Variants in RNF8 observed in about 807,000 individuals in gnomAD.
RNF8 encodes the protein ring finger protein 8, also known as E3 ubiquitin-protein ligase RNF8.
In RNF8, 8 loss-of-function variants were observed where a neutral mutation model predicts 59.3. The ratio of observed to expected loss-of-function variants is 0.13; its 90% CI spans 0.08 to 0.24. RNF8 has a LOEUF of 0.24. RNF8 is among the 10% of genes least tolerant of loss of function. RNF8 has a pLI of 1.00. For synonymous variants in RNF8, 162 were observed against 200.0 expected (o/e 0.81, Z 1.60); for missense variants, 406 against 572.6 (o/e 0.71, Z 2.97).
chr6:37,367,488 C>T (rs888786393), intron 2 of RNF8, among the ~76,000 whole-genome samples: 2 of 152,232 alleles, frequency 1.3e-5, no homozygotes, highest in African/African-American at 4.8e-5. Context: ...ACGGCATCCT[C>T]TGCCGCCTGG....
intron 2 of RNF8, chr6:37,361,076 A>C: frequency 2.8e-6 from 1 of 353,660 alleles, no homozygotes; most frequent in South Asian, 2.1e-5. Flanking sequence ...TCCTTTGAAT[A>C]ATGGGTTTTT....
At position 37,381,196 on chromosome 6, in the gene RNF8, A is replaced by G. The variant is rs759565807; in HGVS notation, c.1283A>G (p.Asn428Ser). 5.0e-6 allele frequency: 8 copies of G among 1,614,214 alleles called. No individual in the cohort carries two copies. The Admixed American group carries it at 5.0e-5, about 10-fold the overall frequency. The change falls in exon 7 of 8, where the codon AAT (asparagine) becomes AGT (serine). Residue 428 changes from asparagine (N) to serine (S), a missense_variant. Physicochemically the swap from Asn to Ser is conservative, Grantham distance 46. Around this residue, in one of 3 missense-constraint regions of RNF8, gnomAD observed 59 missense variants for 118.5 expected, o/e 0.50. Transcript: ENST00000373479. ...CAHSFCSYCINEWMKRKIECP... is the reference protein window; with the variant it reads ...CAHSFCSYCISEWMKRKIECP... ...CACAGTTTCTGCTCCTACTGTATCAATGAATGGATGAAGCGGAAGATAGAA... is the reference window on the plus strand; with the variant it reads ...CACAGTTTCTGCTCCTACTGTATCAGTGAATGGATGAAGCGGAAGATAGAA...
intron 7 of RNF8, among the ~76,000 whole-genome samples, chr6:37,383,453 C>T (rs535029028): frequency 2.0e-5 from 3 of 152,286 alleles, no homozygotes; most frequent in East Asian, 3.9e-4. Flanking sequence ...ATTGGCAAGC[C>T]TGTAATTGTC....
At chr6:37,371,226 G>A (rs1293168783) in intron 3 of RNF8, among the ~76,000 whole-genome samples, 3 of 152,158 alleles carry the variant, frequency 2.0e-5, no homozygotes, top group East Asian at 1.9e-4. Context: ...GAATCATGGC[G>A]TTAGTCCATG....
intron 2 of RNF8, among the ~76,000 whole-genome samples, chr6:37,362,216 T>C (rs1352423697): frequency 1.3e-5 from 2 of 152,214 alleles, no homozygotes; most frequent in African/African-American, 4.8e-5. Context: ...CTTAATTATG[T>C]GCAGTGTAGA....
At position 37,394,158 on chromosome 6, in the gene RNF8, T is replaced by TA. The variant is rs1325328108; in HGVS notation, c.*3401dup. The TA allele has an allele frequency of 6.6e-6, 1 of 152,226 alleles. No individual in the cohort carries two copies. Among genetic ancestry groups the TA allele is most frequent in the East Asian group, 1.9e-4 (1 of 5,194 alleles). 9.4% of individuals were successfully genotyped at this position (152,226 alleles called of 1,614,324 possible). Reference sequence around the variant, plus strand: ...AAGATCAGGAGAATCCTGGAATTGTTATCTGTCTCTTGCTCTGAGATACAG... The same window carrying TA: ...AAGATCAGGAGAATCCTGGAATTGTTAATCTGTCTCTTGCTCTGAGATACAG... On this transcript the variant is annotated 3_prime_UTR_variant, in exon 8 of 8. Transcript: ENST00000373479.
chr6:37,373,929 T>G (rs1182270884), intron 4 of RNF8, among the ~76,000 whole-genome samples: 1 of 152,190 alleles, frequency 6.6e-6, no homozygotes, highest in Non-Finnish European at 1.5e-5. Context: ...TAAGCTATAC[T>G]TAAGCATGAG....
rs529931903 is a variant in RNF8, at chr6:37,383,713, G to A, written c.1441+2359G>A. ...ACCAGAGGAGAGGAAGAGGATGGGA[G>A]TGTTAGGATGCTGGGTCCTGAGTTG... is the stretch of plus-strand genomic sequence containing the variant. On this transcript the variant is annotated intron_variant, in intron 7 of 7. Coordinates refer to ENST00000373479, the MANE Select transcript of RNF8 (RefSeq NM_003958.4). Among the ~76,000 whole-genome samples, 42 of 152,360 alleles carry A rather than the reference G, an allele frequency of 2.8e-4. No homozygotes were observed. In the South Asian group the frequency reaches 7.7e-3, roughly 28 times the overall value.
rs1004271499 is a variant in RNF8 at position 37,378,091 on chromosome 6, C to T, written c.1236+1058C>T. Among the ~76,000 whole-genome samples the T allele has an allele frequency of 5.9e-5, 9 of 152,058 alleles. No individual in the cohort carries two copies. In the South Asian group the frequency reaches 1.4e-3, roughly 24 times the overall value. ...AGAGGATCACCTGAGGTTAGGAGCT[C>T]GAGACCAGACTGGCCAACATGGTGA... On this transcript the variant is annotated intron_variant, in intron 6 of 7. Coordinates refer to ENST00000373479, the MANE Select transcript of RNF8 (RefSeq NM_003958.4).
rs534961020 is a variant in RNF8 at position 37,367,576 on chromosome 6, G to A, written c.241-908G>A. Among the ~76,000 whole-genome samples, 9 of 152,152 alleles carry A rather than the reference G, an allele frequency of 5.9e-5. No individual in the cohort carries two copies. The South Asian group carries it at 1.9e-3, about 32-fold the overall frequency. ...CCACCACCACACCTGGCTAATTTTT[G>A]TATTTTTAGTAGAGAGGTGGTCTCA... On this transcript the variant is annotated intron_variant, in intron 2 of 7. Coordinates refer to ENST00000373479, the MANE Select transcript of RNF8 (RefSeq NM_003958.4).
At chr6:37,390,701 C>G (rs932853241) in intron 7 of RNF8, 41 bp from the exon 8 acceptor site, 19 of 1,488,574 alleles carry the variant, frequency 1.3e-5, no homozygotes, top group South Asian at 2.3e-5. Context: ...AAGGGAAATA[C>G]AGGCTCCTCA....
chr6:37,381,034 T>C, intron 6 of RNF8, 116 bp from the exon 7 acceptor site: 3 of 854,578 alleles, frequency 3.5e-6, no homozygotes, highest in Non-Finnish European at 5.9e-6. Flanking sequence ...GATGGGATTG[T>C]TGTTAATTTT....
intron 7 of RNF8, among the ~76,000 whole-genome samples, chr6:37,384,229 C>A (rs921601370): frequency 6.6e-6 from 1 of 151,804 alleles, no homozygotes; most frequent in African/African-American, 2.4e-5. Flanking sequence ...CAACCTCCCC[C>A]TCCCGGGTTT....
intron 7 of RNF8, among the ~76,000 whole-genome samples, chr6:37,386,603 C>T (rs1770512770): frequency 6.6e-6 from 1 of 152,136 alleles, no homozygotes; most frequent in African/African-American, 2.4e-5. Context: ...TTAAATACAC[C>T]CTGAGGAGTC....
rs772382265 is a variant in RNF8 at position 37,390,793 on chromosome 6, G to A, written c.*35G>A. ...TCTAAGGGCATTTGAAAGACTGCCA[G>A]GTAGTGCGAGCCTGAGATGGTCTGG... is the stretch of plus-strand genomic sequence containing the variant. On this transcript the variant is annotated 3_prime_UTR_variant, in exon 8 of 8. Transcript: ENST00000373479. 1.2e-6 allele frequency: 2 copies of A among 1,614,148 alleles called. No homozygotes were observed. Among genetic ancestry groups the A allele is most frequent in the South Asian group, 2.2e-5 (2 of 91,078 alleles).
chr6:37,359,232 C>A (rs1185285826), intron 1 of RNF8: 3 of 454,022 alleles, frequency 6.6e-6, no homozygotes, highest in African/African-American at 2.0e-5. Context: ...TAGATGTGAA[C>A]TGGGGCTTCT....
In RNF8 at chr6:37,354,200, C is replaced by A; in HGVS notation, c.36C>A (p.Arg12=). ...GEPGFFVTGD[R]AGGRSWCLRR... ...CCGGCTTCTTCGTCACAGGAGACCG[C>A]GCCGGTGGCCGGAGCTGGTGCCTGC... The change falls in exon 1 of 8, where the codon CGC becomes CGA. Residue 12 remains arginine, a synonymous_variant. Transcript: ENST00000373479. The A allele has an allele frequency of 6.3e-7, 1 of 1,586,346 alleles. No homozygotes were observed. The highest frequency in any genetic ancestry group is 8.6e-7 in the Non-Finnish European group (1 of 1,167,302).
Position 37,390,874 on chromosome 6 carries a change from G to C in RNF8, c.*116G>C. 1 of 1,570,900 alleles carries C rather than the reference G, an allele frequency of 6.4e-7. No individual in the cohort carries two copies. The highest frequency in any genetic ancestry group is 8.8e-7 in the Non-Finnish European group (1 of 1,141,014). ...CTGAAGGTCAACTGAGAAGTCTTGT[G>C]GGACAGAGACTTGAGTTAGGAAGCC... On this transcript the variant is annotated 3_prime_UTR_variant, in exon 8 of 8. Transcript: ENST00000373479.
At chr6:37,371,988 C>T (rs1228110461) in intron 4 of RNF8, among the ~76,000 whole-genome samples, 2 of 152,160 alleles carry the variant, frequency 1.3e-5, no homozygotes, top group Non-Finnish European at 2.9e-5. Flanking sequence ...GGGAATGTTC[C>T]AGTTAAGCAT....
Sources: gnomAD v4.1 joint callset for allele counts (sites outside exome capture counted in the v4.1 genomes callset) on GRCh38, gnomAD v4.1.1 for gene constraint, gnomAD v4.1.1 regional missense constraint, MANE v1.5 for transcripts, NCBI Gene and HGNC (gene_info 2026-07-23, HGNC 2026-07-21) for gene names.